Variants in MYO18B observed in about 807,000 individuals in gnomAD.
MYO18B encodes the protein myosin XVIIIB.
Under a neutral mutation model 273.0 loss-of-function variants are expected in MYO18B, and 204 were observed. That is an observed-to-expected ratio of 0.75 (90% confidence interval 0.67 to 0.84). The LOEUF is 0.84. Ranked by LOEUF, MYO18B falls within the 40% of genes least tolerant of loss-of-function variation. The probability of loss-of-function intolerance (pLI) is 0.00; values close to 1 mark genes in which losing one functional copy is unlikely to be tolerated. For synonymous variants in MYO18B, 1,330 were observed against 1,305.7 expected, an observed-to-expected ratio of 1.02 and a Z score of -0.40; for missense variants, 3,212 against 3,287.6, an observed-to-expected ratio of 0.98 and a Z score of 0.56.
intron 42 of MYO18B, among the ~76,000 whole-genome samples, chr22:26,016,721 A>G (rs1223386442): frequency 6.6e-6 from 1 of 152,146 alleles, no homozygotes; most frequent in African/African-American, 2.4e-5. Flanking sequence ...GAAGAAAGAC[A>G]TGGTCTACTC....
chr22:25,895,405 G>A (rs2091775420), intron 28 of MYO18B, 125 bp downstream of exon 28: 2 of 1,152,974 alleles, frequency 1.7e-6, no homozygotes, highest in Admixed American at 5.3e-5. Context: ...AACCCCTTAA[G>A]GTTTTTCCAT....
At chr22:25,803,102 C>G (rs5761215) in intron 12 of MYO18B, among the ~76,000 whole-genome samples, 2,833 of 152,002 alleles carry the variant, frequency 0.019, 70 homozygotes, top group East Asian at 0.099. Flanking sequence ...GCTGGGACTA[C>G]AGGCATGTGC....
At chr22:25,946,763 T>C (rs1231863245) in intron 35 of MYO18B, among the ~76,000 whole-genome samples, 1 of 152,168 alleles carries the variant, frequency 6.6e-6, no homozygotes, top group Non-Finnish European at 1.5e-5. Flanking sequence ...ATGGAACTTG[T>C]TCCTTATTGT....
intron 20 of MYO18B, among the ~76,000 whole-genome samples, chr22:25,850,719 G>A (rs983718460): frequency 7.2e-5 from 11 of 152,004 alleles, no homozygotes; most frequent in Non-Finnish European, 1.5e-4. Context: ...CTACAGGAAC[G>A]CACCACCACG....
chr22:25,843,169 T>C (rs1345370430), intron 17 of MYO18B, among the ~76,000 whole-genome samples: 1 of 152,182 alleles, frequency 6.6e-6, no homozygotes, highest in Non-Finnish European at 1.5e-5. Context: ...GCCCCCAAGA[T>C]CAGGCCCATT....
intron 39 of MYO18B, among the ~76,000 whole-genome samples, chr22:25,956,514 C>A (rs567476649): frequency 6.6e-6 from 1 of 152,262 alleles, no homozygotes; most frequent in East Asian, 1.9e-4. Flanking sequence ...CTGCGCCCGG[C>A]CCCAAGGAAC....
intron 39 of MYO18B, among the ~76,000 whole-genome samples, chr22:25,956,179 C>T (rs1431789247): frequency 6.6e-6 from 1 of 151,546 alleles, no homozygotes; most frequent in African/African-American, 2.4e-5. Flanking sequence ...TAGTCACTAA[C>T]TCATATTTTG....
At chr22:25,954,801 TC>T (rs1219805888) in intron 38 of MYO18B, among the ~76,000 whole-genome samples, 1 of 152,130 alleles carries the variant, frequency 6.6e-6, no homozygotes, top group Non-Finnish European at 1.5e-5. Context: ...AACCTCCACC[TC>T]CCAGGTTCAG....
At position 25,921,359 on chromosome 22, in the gene MYO18B, G is replaced by T. The variant is rs2092338759; in HGVS notation, c.5467G>T (p.Asp1823Tyr). ...DVQLLLGTME[D>Y]GKTSVSKEEL... The stretch of plus-strand genomic sequence containing the variant: ...GCAGCTCCTTCTGGGCACCATGGAG[G>T]ATGGCAAGACATCAGTCAGCAAGGA... Residue 1823 changes from aspartate to tyrosine, a missense_variant, in exon 34 of 44, where the codon GAT becomes TAT. By Grantham distance (160) the Asp-to-Tyr change is radical. Coordinates refer to ENST00000335473, the MANE Select transcript of MYO18B (RefSeq NM_032608.7). 1.3e-6 allele frequency: 2 copies of T among 1,596,346 alleles called. No individual in the cohort carries two copies. Among genetic ancestry groups the T allele is most frequent in the Non-Finnish European group, 8.5e-7 (1 of 1,171,500 alleles).
chr22:25,949,584 A>C (rs1404822775), intron 36 of MYO18B, among the ~76,000 whole-genome samples: 1 of 152,222 alleles, frequency 6.6e-6, no homozygotes, highest in Non-Finnish European at 1.5e-5. Context: ...TTGGATCTGA[A>C]GGGATTTCTG....
chr22:25,745,883 G>T (rs2085764898), intron 1 of MYO18B, among the ~76,000 whole-genome samples: 2 of 152,178 alleles, frequency 1.3e-5, no homozygotes, highest in African/African-American at 4.8e-5. Context: ...GTTGCGTTGA[G>T]GTAGAGATGG....
At chr22:25,759,485 CAG>C (rs1396014161) in intron 1 of MYO18B, among the ~76,000 whole-genome samples, 1 of 151,028 alleles carries the variant, frequency 6.6e-6, no homozygotes, top group African/African-American at 2.4e-5. Context: ...CACATGGACA[CAG>C]GGAGGGGAAC....
Position 25,874,371 on chromosome 22 carries a change from C to T in MYO18B, c.4037C>T (p.Ala1346Val), listed in dbSNP as rs371445842. Reference protein sequence around the residue: ...VSQSIVLFQAACKGFLSRQEF... With the variant: ...VSQSIVLFQAVCKGFLSRQEF... ...CAGAGCATCGTTCTCTTCCAGGCGG[C>T]TTGCAAGGGCTTTCTGTCTCGCCAG... Residue 1346 changes from alanine to valine, a missense_variant, in exon 23 of 44, where the codon GCT becomes GTT. By Grantham distance (64) the Ala-to-Val change is moderately conservative. Transcript: ENST00000335473. 2.5e-6 allele frequency: 4 copies of T among 1,613,976 alleles called. No individual in the cohort carries two copies. The highest frequency in any genetic ancestry group is 1.3e-5 in the African/African-American group (1 of 75,042).
chr22:25,956,858 A>G (rs111615642), intron 39 of MYO18B, among the ~76,000 whole-genome samples: 2,085 of 152,260 alleles, frequency 0.014, 44 homozygotes, highest in African/African-American at 0.047. Flanking sequence ...TCCTGCAGCA[A>G]ATATATTAAT....
chr22:26,006,802 C>T (rs1285859574), intron 42 of MYO18B, among the ~76,000 whole-genome samples: 3 of 152,244 alleles, frequency 2.0e-5, no homozygotes, highest in East Asian at 1.9e-4. Flanking sequence ...GAGCCTGGCA[C>T]CTAGAAAGAG....
Position 25,828,937 on chromosome 22 carries a change from C to T in MYO18B, c.2948C>T (p.Thr983Ile). 6.2e-7 allele frequency: 1 copy of T among 1,613,976 alleles called. No individual in the cohort carries two copies. The highest frequency in any genetic ancestry group is 8.5e-7 in the Non-Finnish European group (1 of 1,179,900). ...ERLQLLFYQR[T>I]FVSTLQRYQE... is the part of the protein sequence containing the mutation. Reference sequence around the variant, plus strand: ...CTGCAGCTGCTGTTCTACCAGCGGACCTTTGTCTCCACGCTACAGCGATAT... The same window carrying T: ...CTGCAGCTGCTGTTCTACCAGCGGATCTTTGTCTCCACGCTACAGCGATAT... Residue 983 changes from threonine (T) to isoleucine (I), a missense_variant, in exon 15 of 44, where the codon ACC (threonine) becomes ATC (isoleucine). Thr to Ile is a moderately conservative substitution (Grantham distance 89). Transcript: ENST00000335473.
intron 12 of MYO18B, among the ~76,000 whole-genome samples, chr22:25,809,998 T>TTA (rs746852744): frequency 5.7e-4 from 80 of 139,986 alleles, no homozygotes; most frequent in South Asian, 3.0e-3. Flanking sequence ...ATAGAAAGTT[T>TTA]AAAAAAAAAA....
chr22:26,018,614 A>G (rs1304886680), intron 42 of MYO18B, among the ~76,000 whole-genome samples: 1 of 152,066 alleles, frequency 6.6e-6, no homozygotes, highest in Non-Finnish European at 1.5e-5. Context: ...CGCCATTGAA[A>G]TCCTACCCTT....
intron 39 of MYO18B, among the ~76,000 whole-genome samples, chr22:25,957,849 C>T (rs1169956454): frequency 6.6e-6 from 1 of 151,600 alleles, no homozygotes; most frequent in South Asian, 2.1e-4. Context: ...TCAGGGCTCA[C>T]TCTAAATCCA....
Sources: allele counts gnomAD v4.1 joint callset (sites outside exome capture counted in the v4.1 genomes callset), GRCh38; gene constraint gnomAD v4.1.1; transcripts MANE v1.5; gene names NCBI Gene and HGNC (gene_info 2026-07-23, HGNC 2026-07-21).